Variants in GUCY1A2 observed in about 807,000 individuals in gnomAD.
GUCY1A2 encodes the protein guanylate cyclase 1 soluble subunit alpha 2.
In GUCY1A2, 27 loss-of-function variants were observed where a neutral mutation model predicts 63.5. That is an observed-to-expected ratio of 0.43 (90% confidence interval 0.31 to 0.59). The LOEUF is 0.59. Ranked by LOEUF, GUCY1A2 falls within the 20% of genes least tolerant of loss-of-function variation. GUCY1A2 has a pLI of 0.11. For synonymous variants in GUCY1A2, 364 were observed against 343.5 expected (o/e 1.06, Z -0.66); for missense variants, 768 against 913.3 (o/e 0.84, Z 2.05).
At position 106,687,351 on chromosome 11, in the gene GUCY1A2, A is replaced by G. The variant is rs1862543826; in HGVS notation, c.*198T>C. The G allele has an allele frequency of 1.0e-5, 6 of 583,852 alleles. No individual in the cohort carries two copies. The highest frequency in any genetic ancestry group is 1.8e-5 in the Non-Finnish European group (6 of 326,992). The allele number at this position is 583,852 out of a possible 1,614,324, so 36.2% of individuals were successfully genotyped here. The stretch of plus-strand genomic sequence containing the variant: ...CCACTCATATGAATGGACACATCTT[A>G]TTTCCCTCATCCTCCGGCTTTTTAT... On this transcript the variant is annotated 3_prime_UTR_variant, in exon 8 of 8. Coordinates refer to ENST00000526355, the MANE Select transcript of GUCY1A2 (RefSeq NM_000855.3).
At chr11:106,868,808 A>T (rs982869003) in intron 4 of GUCY1A2, among the ~76,000 whole-genome samples, 1 of 152,210 alleles carries the variant, frequency 6.6e-6, no homozygotes, top group Non-Finnish European at 1.5e-5. Context: ...AGTCAATCCT[A>T]AGCCAAAAGA....
chr11:106,756,581 G>T (rs1052625065), intron 6 of GUCY1A2, among the ~76,000 whole-genome samples: 2 of 152,106 alleles, frequency 1.3e-5, no homozygotes, highest in African/African-American at 4.8e-5. Flanking sequence ...GTCTGTAAAG[G>T]ATTTTATTTC....
At chr11:106,768,980 G>A (rs1864209358) in intron 6 of GUCY1A2, among the ~76,000 whole-genome samples, 1 of 152,022 alleles carries the variant, frequency 6.6e-6, no homozygotes, top group Admixed American at 6.6e-5. Context: ...AAGTAGACAG[G>A]TCCTCACAGA....
intron 5 of GUCY1A2, among the ~76,000 whole-genome samples, chr11:106,785,562 A>C (rs936290162): frequency 8.6e-5 from 13 of 151,890 alleles, no homozygotes; most frequent in African/African-American, 3.1e-4. Context: ...ACCTGAGTAC[A>C]GTATCAGGAT....
chr11:106,713,815 T>C (rs1162927497), intron 6 of GUCY1A2, among the ~76,000 whole-genome samples: 2 of 152,020 alleles, frequency 1.3e-5, no homozygotes, highest in African/African-American at 4.8e-5. Flanking sequence ...CCAACATTAG[T>C]ATATTTCTTT....
intron 4 of GUCY1A2, among the ~76,000 whole-genome samples, chr11:106,870,512 A>G (rs1193068806): frequency 6.6e-6 from 1 of 152,150 alleles, no homozygotes; most frequent in Non-Finnish European, 1.5e-5. Context: ...ACAGGGGATC[A>G]ACAAGAAGTT....
chr11:106,806,123 C>T (rs1485417832), intron 5 of GUCY1A2, among the ~76,000 whole-genome samples: 2 of 152,126 alleles, frequency 1.3e-5, no homozygotes, highest in African/African-American at 4.8e-5. Flanking sequence ...TCACATAACA[C>T]ACATCCCTGT....
intron 3 of GUCY1A2, among the ~76,000 whole-genome samples, chr11:106,944,386 G>A (rs1349619732): frequency 6.6e-6 from 1 of 151,972 alleles, no homozygotes; most frequent in Non-Finnish European, 1.5e-5. Context: ...AGTCTAGGCT[G>A]CAGTGAGCTG....
intron 4 of GUCY1A2, among the ~76,000 whole-genome samples, chr11:106,892,769 G>T (rs1859991988): frequency 6.6e-6 from 1 of 152,068 alleles, no homozygotes; most frequent in African/African-American, 2.4e-5. Context: ...TGGGGGTCTT[G>T]GCATGAAAAT....
At chr11:106,894,286 G>A (rs1860015273) in intron 4 of GUCY1A2, among the ~76,000 whole-genome samples, 1 of 152,164 alleles carries the variant, frequency 6.6e-6, no homozygotes, top group Admixed American at 6.5e-5. Context: ...GAACAACAGA[G>A]TGTCAAAACA....
chr11:106,817,224 C>T (rs1310661746), intron 4 of GUCY1A2, among the ~76,000 whole-genome samples: 2 of 152,036 alleles, frequency 1.3e-5, no homozygotes, highest in Admixed American at 1.3e-4. Context: ...CCAAATTAAA[C>T]AATCACAATA....
chr11:106,719,319 T>C (rs1030155124), intron 6 of GUCY1A2, among the ~76,000 whole-genome samples: 7 of 152,078 alleles, frequency 4.6e-5, no homozygotes, highest in African/African-American at 9.7e-5. Context: ...AAAAATTTCA[T>C]AGAAGCACAA....
At chr11:106,864,254 T>C (rs1263245000) in intron 4 of GUCY1A2, among the ~76,000 whole-genome samples, 1 of 151,978 alleles carries the variant, frequency 6.6e-6, no homozygotes, top group Non-Finnish European at 1.5e-5. Context: ...CAGACTTGAA[T>C]TCTCTCTACC....
rs780832127 is a variant in GUCY1A2 at position 106,998,991 on chromosome 11, T to C, written c.304-12860A>G. 1.5e-4 allele frequency among the ~76,000 whole-genome samples: 23 copies of C among 152,150 alleles called. 1 individual carries two copies. The highest frequency in any genetic ancestry group is 3.1e-4 in the Non-Finnish European group (21 of 68,026). ...AGAGATCCCAGAAGCATCACTGCTATATAGTCATCACTACGTGGCAGAGTC... is the reference window on the plus strand; with the variant it reads ...AGAGATCCCAGAAGCATCACTGCTACATAGTCATCACTACGTGGCAGAGTC... On this transcript the variant is annotated intron_variant, in intron 1 of 7. Coordinates refer to ENST00000526355, the MANE Select transcript of GUCY1A2 (RefSeq NM_000855.3).
chr11:106,902,122 G>C lies in GUCY1A2; in HGVS notation c.1206+37338C>G, dbSNP rs956295575. ...CTATATAAATGATGTTATGTTAGCA[G>C]GCATGCAAACAACATTTATCTCCTT... On this transcript the variant is annotated intron_variant, in intron 4 of 7. Transcript: ENST00000526355. 2.0e-5 allele frequency among the ~76,000 whole-genome samples: 3 copies of C among 152,128 alleles called. No homozygotes were observed. The East Asian group carries it at 5.8e-4, about 29-fold the overall frequency.
chr11:106,755,390 C>G (rs1272964075), intron 6 of GUCY1A2, among the ~76,000 whole-genome samples: 1 of 152,026 alleles, frequency 6.6e-6, no homozygotes, highest in African/African-American at 2.4e-5. Flanking sequence ...CTTCTGCTAG[C>G]TTTTGAATTT....
chr11:106,861,214 T>C (rs1859507197), intron 4 of GUCY1A2, among the ~76,000 whole-genome samples: 1 of 151,960 alleles, frequency 6.6e-6, no homozygotes, highest in African/African-American at 2.4e-5. Context: ...AATATAAACA[T>C]ACTCTTAGAG....
chr11:106,831,555 A>G (rs1351459899), intron 4 of GUCY1A2, among the ~76,000 whole-genome samples: 1 of 152,216 alleles, frequency 6.6e-6, no homozygotes, highest in African/African-American at 2.4e-5. Flanking sequence ...TTACAGCTAT[A>G]CTGACTGAGT....
chr11:106,951,670 C>A (rs552968231), intron 3 of GUCY1A2, among the ~76,000 whole-genome samples: 5 of 152,240 alleles, frequency 3.3e-5, no homozygotes, highest in Non-Finnish European at 7.4e-5. Context: ...CAAAACTTTT[C>A]TCCCATTCTG....
Sources: gnomAD v4.1 joint callset for allele counts (sites outside exome capture counted in the v4.1 genomes callset) on GRCh38, gnomAD v4.1.1 for gene constraint, MANE v1.5 for transcripts, NCBI Gene and HGNC (gene_info 2026-07-23, HGNC 2026-07-21) for gene names.